Variants in HAPLN2 observed in about 807,000 individuals in gnomAD.
HAPLN2 encodes hyaluronan and proteoglycan link protein 2.
In HAPLN2, 27 loss-of-function variants were observed where a neutral mutation model predicts 29.3. The ratio of observed to expected loss-of-function variants is 0.92; its 90% CI spans 0.68 to 1.27. HAPLN2 has a LOEUF of 1.27. Ranked by LOEUF, HAPLN2 falls within the 50% of genes most tolerant of loss-of-function variation. HAPLN2 has a pLI of 0.00. For synonymous variants in HAPLN2, 208 were observed against 211.7 expected, an observed-to-expected ratio of 0.98 and a Z score of 0.15; for missense variants, 454 against 484.3, an observed-to-expected ratio of 0.94 and a Z score of 0.59.
At chr1:156,620,866 C>T (rs528159382) in intron 2 of HAPLN2, among the ~76,000 whole-genome samples, 19 of 152,302 alleles carry the variant, frequency 1.2e-4, no homozygotes, top group Admixed American at 1.2e-3. Flanking sequence ...ACATAGACAG[C>T]ACTTATTACA....
At chr1:156,607,389 G>A in the HAPLN2 span, among the ~76,000 whole-genome samples, 2 of 152,020 alleles carry the variant, frequency 1.3e-5, no homozygotes, top group African/African-American at 4.8e-5. Flanking sequence ...CTGAGGCAGG[G>A]GAATCGCTTG....
At chr1:156,611,229 G>A in the HAPLN2 span, among the ~76,000 whole-genome samples, 1 of 147,632 alleles carries the variant, frequency 6.8e-6, no homozygotes, top group Admixed American at 6.9e-5. Flanking sequence ...AGCTATGATC[G>A]CACCACTGCC....
chr1:156,621,508 G>A (rs1302246537), intron 2 of HAPLN2, among the ~76,000 whole-genome samples: 6 of 151,778 alleles, frequency 4.0e-5, no homozygotes, highest in African/African-American at 7.3e-5. Context: ...GCCAAGGAGC[G>A]TGGATCACCT....
rs1678425304 is a variant in HAPLN2, at chr1:156,625,572, G to T, written c.*188G>T. ...CCCGGCGGCGGGGAGGGGAGGCGGGGGCGCCTCCGGCGGCGAGATGCAGAG... is the reference window on the plus strand; with the variant it reads ...CCCGGCGGCGGGGAGGGGAGGCGGGTGCGCCTCCGGCGGCGAGATGCAGAG... On this transcript the variant is annotated 3_prime_UTR_variant, in exon 7 of 7. Coordinates refer to ENST00000255039, the MANE Select transcript of HAPLN2 (RefSeq NM_021817.3). This position sits in a 1 kb window ranked among gnomAD's most constrained non-coding sequence, Gnocchi z 5.7. 1.2e-5 allele frequency: 7 copies of T among 566,966 alleles called. No individual in the cohort carries two copies. The highest frequency in any genetic ancestry group is 2.0e-5 in the Non-Finnish European group (7 of 346,300). The allele number at this position is 566,966 out of a possible 1,614,324, so 35.1% of individuals were successfully genotyped here. A position where few individuals can be genotyped will look rare whatever the true frequency, so the allele number is the denominator to read the frequency against.
chr1:156,614,228 CTT>C, the HAPLN2 span, among the ~76,000 whole-genome samples: 86 of 143,618 alleles, frequency 6.0e-4, no homozygotes, highest in East Asian at 1.2e-3. Context: ...TTGGGGTTCA[CTT>C]TTTTTTTTTT....
chr1:156,617,843 T>C (rs188577611), upstream of HAPLN2, among the ~76,000 whole-genome samples: 232 of 152,184 alleles, frequency 1.5e-3, 1 homozygote, highest in African/African-American at 4.9e-3. Flanking sequence ...ACAAAAACAA[T>C]TGGGCCTATT....
At chr1:156,613,930 A>AG in the HAPLN2 span, among the ~76,000 whole-genome samples, 8 of 150,862 alleles carry the variant, frequency 5.3e-5, no homozygotes, top group South Asian at 2.1e-4. Context: ...AAAAAAAAAA[A>AG]AAGAAGAAAA....
At chr1:156,607,997 G>A in the HAPLN2 span, among the ~76,000 whole-genome samples, 1 of 151,990 alleles carries the variant, frequency 6.6e-6, no homozygotes, top group East Asian at 1.9e-4. Flanking sequence ...GCCTAGGCAG[G>A]TTCTAATTTT....
At chr1:156,614,833 C>G (rs1678022291), upstream of HAPLN2, 1 of 152,118 alleles carries the variant, frequency 6.6e-6, no homozygotes, top group Non-Finnish European at 1.5e-5. Flanking sequence ...GTGAATTGAC[C>G]ATTATAAACA....
the HAPLN2 span, among the ~76,000 whole-genome samples, chr1:156,607,313 C>G: frequency 6.6e-6 from 1 of 152,066 alleles, no homozygotes; most frequent in Non-Finnish European, 1.5e-5. Context: ...AACCCCATCT[C>G]TACTAAAAAT....
the HAPLN2 span, among the ~76,000 whole-genome samples, chr1:156,610,901 T>C: frequency 6.6e-6 from 1 of 152,240 alleles, no homozygotes; most frequent in African/African-American, 2.4e-5. Context: ...TTTTTCAATA[T>C]GTAATGATAT....
the HAPLN2 span, among the ~76,000 whole-genome samples, chr1:156,607,404 C>CAGG: frequency 2.0e-5 from 3 of 151,936 alleles, no homozygotes; most frequent in Admixed American, 6.6e-5. Context: ...CGCTTGAACT[C>CAGG]AGGAGGTGGA....
At chr1:156,606,263 CA>C in the HAPLN2 span, among the ~76,000 whole-genome samples, 14 of 147,778 alleles carry the variant, frequency 9.5e-5, no homozygotes, top group African/African-American at 2.2e-4. Context: ...AACTCCATCT[CA>C]AAAAAAAAAT....
At chr1:156,615,875 C>G (rs1262699933), upstream of HAPLN2, among the ~76,000 whole-genome samples, 1 of 151,390 alleles carries the variant, frequency 6.6e-6, no homozygotes, top group Non-Finnish European at 1.5e-5. Context: ...CAGCCAAATC[C>G]CATCCCTTAA....
intron 6 of HAPLN2, 126 bp downstream of exon 6, chr1:156,624,909 G>GGGCGGCCCCCCC: frequency 1.0e-6 from 1 of 999,520 alleles, no homozygotes; most frequent in Non-Finnish European, 1.4e-6. Context: ...CCCCCCATCA[G>GGGCGGCCCCCCC]CCCGCCCGCC....
upstream of HAPLN2, among the ~76,000 whole-genome samples, chr1:156,618,607 G>A (rs187159894): frequency 0.012 from 1,816 of 151,418 alleles, 40 homozygotes; most frequent in African/African-American, 0.042. Flanking sequence ...GGGAAACCCC[G>A]TCTCTACTTA....
chr1:156,611,085 C>T, the HAPLN2 span, among the ~76,000 whole-genome samples: 1 of 151,884 alleles, frequency 6.6e-6, no homozygotes, highest in African/African-American at 2.4e-5. Context: ...AGTTTGAGAG[C>T]AGCCTGGGCA....
At chr1:156,620,471 A>G (rs1357673499) in intron 2 of HAPLN2, among the ~76,000 whole-genome samples, 1 of 152,218 alleles carries the variant, frequency 6.6e-6, no homozygotes, top group Non-Finnish European at 1.5e-5. Context: ...ATTCAATTTT[A>G]AACGTGTTCA....
At chr1:156,605,244 C>T in the HAPLN2 span, among the ~76,000 whole-genome samples, 10 of 150,668 alleles carry the variant, frequency 6.6e-5, no homozygotes, top group African/African-American at 1.7e-4. Context: ...CCAGCCTGTA[C>T]GATAGGGTGA....
Sources: gnomAD v4.1 joint callset for allele counts (sites outside exome capture counted in the v4.1 genomes callset) on GRCh38, gnomAD v4.1.1 for gene constraint, Gnocchi (gnomAD v3.1) non-coding constraint, MANE v1.5 for transcripts, NCBI Gene and HGNC (gene_info 2026-07-23, HGNC 2026-07-21) for gene names.